The following EGFR variants were observed in gnomAD, a reference collection of about 807,000 sequenced individuals.
EGFR encodes the protein epidermal growth factor receptor.
Under a neutral mutation model 143.0 loss-of-function variants are expected in EGFR, and 58 were observed. The observed-to-expected ratio is 0.41, with a 90% CI of 0.33 to 0.50. The LOEUF (loss-of-function observed/expected upper bound fraction) is 0.50, where lower values mean the gene tolerates loss of function less well. Ranked by LOEUF, EGFR falls within the 20% of genes least tolerant of loss-of-function variation. The pLI is 0.39. For missense variants in EGFR, 1,307 were observed against 1,579.0 expected (o/e 0.83, Z 2.92); for synonymous variants, 613 against 594.4 (o/e 1.03, Z -0.45).
intron 4 of EGFR, among the ~76,000 whole-genome samples, chr7:55,147,617 G>A (rs1332231992): frequency 6.6e-6 from 1 of 152,002 alleles, no homozygotes; most frequent in Non-Finnish European, 1.5e-5. Flanking sequence ...GGATTGTGAT[G>A]AAATGCCCGT....
At chr7:55,136,124 A>T (rs1360122289) in intron 1 of EGFR, among the ~76,000 whole-genome samples, 1 of 152,206 alleles carries the variant, frequency 6.6e-6, no homozygotes, top group Non-Finnish European at 1.5e-5. Flanking sequence ...TTGAGATTTT[A>T]GTATAGCAAA....
chr7:55,144,287 G>A (rs1055147131), intron 3 of EGFR, among the ~76,000 whole-genome samples: 11 of 152,174 alleles, frequency 7.2e-5, no homozygotes, highest in African/African-American at 2.2e-4. Flanking sequence ...TGGCAAAGTC[G>A]AAAATCTGTG....
chr7:55,038,312 T>C (rs1387214163), intron 1 of EGFR, among the ~76,000 whole-genome samples: 5 of 151,970 alleles, frequency 3.3e-5, no homozygotes, highest in African/African-American at 9.7e-5. Flanking sequence ...AGTGTGCAAA[T>C]GATGTGTGAG....
chr7:55,202,875 T>C, intron 27 of EGFR: 1 of 660,468 alleles, frequency 1.5e-6, no homozygotes, highest in Non-Finnish European at 2.8e-6. Context: ...ATTTCTAGCT[T>C]ATGAAGCAAA....
At chr7:55,129,446 A>G (rs1793710539) in intron 1 of EGFR, among the ~76,000 whole-genome samples, 1 of 152,238 alleles carries the variant, frequency 6.6e-6, no homozygotes, top group South Asian at 2.1e-4. Flanking sequence ...ATAAGGAACA[A>G]TTATGTGATA....
chr7:55,096,424 A>G, intron 1 of EGFR, among the ~76,000 whole-genome samples: 1 of 152,230 alleles, frequency 6.6e-6, no homozygotes, highest in Non-Finnish European at 1.5e-5. Flanking sequence ...TGCAATGCAG[A>G]ACGGCAGGGC....
chr7:55,111,974 T>C (rs895380907), intron 1 of EGFR, among the ~76,000 whole-genome samples: 5 of 152,134 alleles, frequency 3.3e-5, no homozygotes, highest in Non-Finnish European at 7.4e-5. Context: ...TGGGATTGCG[T>C]GATGGGCTTG....
intron 1 of EGFR, among the ~76,000 whole-genome samples, chr7:55,067,009 A>G (rs907915486): frequency 6.6e-6 from 1 of 152,194 alleles, no homozygotes; most frequent in East Asian, 1.9e-4. Flanking sequence ...CAGCCCCACC[A>G]TGCAGTGGCT....
intron 1 of EGFR, among the ~76,000 whole-genome samples, chr7:55,141,201 TG>T (rs1794439090): frequency 6.6e-6 from 1 of 152,176 alleles, no homozygotes; most frequent in African/African-American, 2.4e-5. Context: ...TAAGATAATT[TG>T]GGTTCAAATT....
At chr7:55,127,620 C>T (rs1793606253) in intron 1 of EGFR, among the ~76,000 whole-genome samples, 2 of 152,182 alleles carry the variant, frequency 1.3e-5, no homozygotes, top group Admixed American at 1.3e-4. Flanking sequence ...TAGAAATTAG[C>T]TGAGTAGAAG....
At chr7:55,139,312 T>A (rs1433723412) in intron 1 of EGFR, among the ~76,000 whole-genome samples, 1 of 152,256 alleles carries the variant, frequency 6.6e-6, no homozygotes, top group Non-Finnish European at 1.5e-5. Flanking sequence ...GTCTTAAATC[T>A]ACCTAATTTG....
At chr7:55,174,360 C>A (rs549703271) in intron 18 of EGFR, among the ~76,000 whole-genome samples, 11 of 152,364 alleles carry the variant, frequency 7.2e-5, no homozygotes, top group Non-Finnish European at 1.5e-4. Flanking sequence ...TGCAGCCCAG[C>A]TGAAATGGGC....
rs1791427356 is a variant in EGFR at position 55,095,766 on chromosome 7, A to G, written c.89-46520A>G. 5.9e-5 allele frequency among the ~76,000 whole-genome samples: 9 copies of G among 151,510 alleles called. No homozygotes were observed. In the South Asian group the frequency reaches 1.9e-3, roughly 32 times the overall value. ...CAGACATACGCACAGATGGGCACAC[A>G]CAGAGACACACTCACAGAGACACAC... On this transcript the variant is annotated intron_variant, in intron 1 of 27. Transcript: ENST00000275493.
At chr7:55,075,165 G>T (rs1268192400) in intron 1 of EGFR, among the ~76,000 whole-genome samples, 3 of 149,332 alleles carry the variant, frequency 2.0e-5, no homozygotes, top group Non-Finnish European at 4.4e-5. Context: ...CTAAAGGGCA[G>T]AGCAAATTAA....
Position 55,201,269 on chromosome 7 carries a change from G to C in EGFR, c.3028G>C (p.Val1010Leu), listed in dbSNP as rs757699239. 1 of 1,614,172 alleles carries C rather than the reference G, an allele frequency of 6.2e-7. No individual in the cohort carries two copies. The highest frequency in any genetic ancestry group is 1.1e-5 in the South Asian group (1 of 91,080). Residue 1010 changes from valine to leucine, a missense_variant, in exon 25 of 28, where the codon GTG becomes CTG. By Grantham distance (32) the Val-to-Leu change is conservative (BLOSUM62 1). Around this residue, in one of 7 missense-constraint regions of EGFR, gnomAD observed 313 missense variants for 312.3 expected, o/e 1.00. Transcript: ENST00000275493. Reference sequence around the variant, plus strand: ...GATGGATGAAGAAGACATGGACGACGTGGTGGATGCCGACGAGTACCTCAT... The same window carrying C: ...GATGGATGAAGAAGACATGGACGACCTGGTGGATGCCGACGAGTACCTCAT... ...ALMDEEDMDD[V>L]VDADEYLIPQ...
At chr7:55,168,656 T>C in intron 15 of EGFR, 1 of 1,410,304 alleles carries the variant, frequency 7.1e-7, no homozygotes, top group Non-Finnish European at 9.7e-7. Flanking sequence ...TTTATAAATA[T>C]TTTCTTTAGT....
chr7:55,106,356 TCATC>T (rs1562718839), intron 1 of EGFR, among the ~76,000 whole-genome samples: 1 of 152,270 alleles, frequency 6.6e-6, no homozygotes, highest in Non-Finnish European at 1.5e-5. Flanking sequence ...AATATTGTCA[TCATC>T]CTCCCTTTTC....
intron 1 of EGFR, among the ~76,000 whole-genome samples, chr7:55,111,949 G>T (rs1348442723): frequency 1.3e-5 from 2 of 152,154 alleles, no homozygotes; most frequent in African/African-American, 4.8e-5. Flanking sequence ...GCTGATGTGG[G>T]GTGGGGTCCC....
chr7:55,113,657 T>G (rs1284597846), intron 1 of EGFR, among the ~76,000 whole-genome samples: 1 of 152,254 alleles, frequency 6.6e-6, no homozygotes, highest in Non-Finnish European at 1.5e-5. Flanking sequence ...AAAGCATAGC[T>G]TAGAACTCTA....
Sources: gnomAD v4.1 joint callset for allele counts (sites outside exome capture counted in the v4.1 genomes callset) on GRCh38, gnomAD v4.1.1 for gene constraint, gnomAD v4.1.1 regional missense constraint, MANE v1.5 for transcripts, NCBI Gene and HGNC (gene_info 2026-07-23, HGNC 2026-07-21) for gene names.